Variants in PHACTR3 observed in about 807,000 individuals in gnomAD.
PHACTR3 encodes phosphatase and actin regulator 3.
In PHACTR3, 16 loss-of-function variants were observed where a neutral mutation model predicts 66.8. That is an observed-to-expected ratio of 0.24 (90% CI 0.16 to 0.36). The LOEUF (loss-of-function observed/expected upper bound fraction) is 0.36. Ranked by LOEUF, PHACTR3 falls within the 10% of genes least tolerant of loss-of-function variation. The pLI is 1.00. For missense variants in PHACTR3, 647 were observed against 719.9 expected, an observed-to-expected ratio of 0.90 and a Z score of 1.16; for synonymous variants, 323 against 292.1, an observed-to-expected ratio of 1.11 and a Z score of -1.08.
At chr20:59,741,791 C>A (rs994572485) in intron 1 of PHACTR3, among the ~76,000 whole-genome samples, 2 of 148,796 alleles carry the variant, frequency 1.3e-5, no homozygotes, top group African/African-American at 2.5e-5. Flanking sequence ...GAGACAGAGT[C>A]TCACCCTGTC....
Position 59,777,009 on chromosome 20 carries a change from A to C in PHACTR3, c.1174+2519A>C, listed in dbSNP as rs530907207. Among the ~76,000 whole-genome samples, 8 of 152,308 alleles carry C rather than the reference A, an allele frequency of 5.3e-5. No individual in the cohort carries two copies. The East Asian group carries it at 1.5e-3, about 29-fold the overall frequency. ...ATGACCACAGAATTTACTCTTCTGC[A>C]GTTCTAGAAGCTAGAAATCCAAAAT... On this transcript the variant is annotated intron_variant, in intron 7 of 12. Transcript: ENST00000371015.
At chr20:59,743,526 C>G (rs2039252259) in intron 2 of PHACTR3, among the ~76,000 whole-genome samples, 1 of 152,182 alleles carries the variant, frequency 6.6e-6, no homozygotes, top group Non-Finnish European at 1.5e-5. Context: ...CTAAGGTGCC[C>G]ACAAGTCCAC....
At chr20:59,642,938 G>C (rs2035156925) in intron 1 of PHACTR3, among the ~76,000 whole-genome samples, 1 of 152,108 alleles carries the variant, frequency 6.6e-6, no homozygotes, top group African/African-American at 2.4e-5. Flanking sequence ...TTGAGACAGA[G>C]TCTCACTCTG....
At chr20:59,661,147 A>G (rs1411959668) in intron 1 of PHACTR3, among the ~76,000 whole-genome samples, 1 of 152,228 alleles carries the variant, frequency 6.6e-6, no homozygotes, top group Admixed American at 6.5e-5. Flanking sequence ...TTCTAGGGGC[A>G]TGATTAGCAG....
At chr20:59,805,859 C>T (rs991376801) in intron 7 of PHACTR3, among the ~76,000 whole-genome samples, 182 bp from the exon 8 acceptor site, 2 of 152,188 alleles carry the variant, frequency 1.3e-5, no homozygotes, top group Non-Finnish European at 2.9e-5. Context: ...CCTGTGTTGC[C>T]CACTGTTCCA....
chr20:59,789,870 T>C (rs1689391157), intron 7 of PHACTR3, among the ~76,000 whole-genome samples: 1 of 152,220 alleles, frequency 6.6e-6, no homozygotes. Flanking sequence ...CATCAATTCA[T>C]GCAGCCTGAA....
intron 1 of PHACTR3, among the ~76,000 whole-genome samples, chr20:59,708,925 G>C (rs1157548995): frequency 6.6e-6 from 1 of 152,204 alleles, no homozygotes; most frequent in Non-Finnish European, 1.5e-5. Context: ...GGGAAAGAGA[G>C]TTCCTTCATT....
intron 1 of PHACTR3, among the ~76,000 whole-genome samples, chr20:59,599,448 C>T (rs2426800): frequency 0.47 from 72,012 of 151,824 alleles, 17,166 homozygotes; most frequent in Middle Eastern, 0.53. Context: ...TCTAAGTGCC[C>T]GCAAGAAGTA....
At chr20:59,770,409 T>C (rs118117441) in intron 5 of PHACTR3, among the ~76,000 whole-genome samples, 3,404 of 152,312 alleles carry the variant, frequency 0.022, 58 homozygotes, top group Non-Finnish European at 0.035. Flanking sequence ...CACTAGATGG[T>C]AGCAAAGAAG....
chr20:59,640,015 G>A (rs984726505), intron 1 of PHACTR3, among the ~76,000 whole-genome samples: 1 of 152,190 alleles, frequency 6.6e-6, no homozygotes, highest in Non-Finnish European at 1.5e-5. Context: ...CAAAAAACAG[G>A]CACACTTCAT....
At chr20:59,680,051 T>G (rs2036586923) in intron 1 of PHACTR3, among the ~76,000 whole-genome samples, 1 of 152,034 alleles carries the variant, frequency 6.6e-6, no homozygotes, top group Non-Finnish European at 1.5e-5. Context: ...TTTCACTCCC[T>G]CCTCCCTGGC....
At chr20:59,831,397 CCCT>C (rs1390256741) in intron 8 of PHACTR3, among the ~76,000 whole-genome samples, 5 of 152,154 alleles carry the variant, frequency 3.3e-5, no homozygotes, top group Non-Finnish European at 7.4e-5. Context: ...TGCTCTCTGT[CCCT>C]GGGGTTTCTT....
chr20:59,720,327 A>G (rs1359333428), intron 1 of PHACTR3, among the ~76,000 whole-genome samples: 1 of 152,194 alleles, frequency 6.6e-6, no homozygotes, highest in Non-Finnish European at 1.5e-5. Flanking sequence ...GCTGCCCATC[A>G]ATGAATCCAG....
upstream of PHACTR3, among the ~76,000 whole-genome samples, chr20:59,603,069 G>T (rs2146328146): frequency 6.6e-6 from 1 of 152,320 alleles, no homozygotes; most frequent in South Asian, 2.1e-4. Flanking sequence ...AGGCTGGCAG[G>T]CCACTTCACC....
At chr20:59,616,233 G>C (rs144874580) in intron 1 of PHACTR3, among the ~76,000 whole-genome samples, 2 of 152,198 alleles carry the variant, frequency 1.3e-5, no homozygotes, top group South Asian at 4.2e-4. Flanking sequence ...ACAGTTCCTG[G>C]GACACAGGAA....
At chr20:59,724,021 AC>A (rs2038456079) in intron 1 of PHACTR3, among the ~76,000 whole-genome samples, 1 of 151,984 alleles carries the variant, frequency 6.6e-6, no homozygotes, top group South Asian at 2.1e-4. Flanking sequence ...CCTTGCCCAC[AC>A]CTTTTATTGA....
intron 8 of PHACTR3, among the ~76,000 whole-genome samples, chr20:59,823,897 C>T (rs893212145): frequency 6.6e-6 from 1 of 152,342 alleles, no homozygotes; most frequent in East Asian, 1.9e-4. Context: ...GAGACAAGTA[C>T]ACCTGGTACA....
At chr20:59,684,169 T>A (rs1034824937) in intron 1 of PHACTR3, among the ~76,000 whole-genome samples, 3 of 152,212 alleles carry the variant, frequency 2.0e-5, no homozygotes, top group Non-Finnish European at 4.4e-5. Context: ...GCTTTCTCTC[T>A]GAGAATTCTC....
chr20:59,664,609 C>T (rs561639854), intron 1 of PHACTR3, among the ~76,000 whole-genome samples: 16 of 152,344 alleles, frequency 1.1e-4, no homozygotes, highest in African/African-American at 3.8e-4. Context: ...CTCCTGATCC[C>T]GGGAGCCAGT....
Sources: gnomAD v4.1 joint callset for allele counts (sites outside exome capture counted in the v4.1 genomes callset) on GRCh38, gnomAD v4.1.1 for gene constraint, MANE v1.5 for transcripts, NCBI Gene and HGNC (gene_info 2026-07-23, HGNC 2026-07-21) for gene names.